SPOCK1: variants seen among roughly 807,000 people sequenced by gnomAD.
SPOCK1 encodes SPARC (osteonectin), cwcv and kazal like domains proteoglycan 1, also known as testican-1.
In SPOCK1, 23 loss-of-function variants were observed where a neutral mutation model predicts 55.3. The ratio of observed to expected loss-of-function variants is 0.42; its 90% CI spans 0.30 to 0.59. The LOEUF (loss-of-function observed/expected upper bound fraction) is 0.59, where lower values mean the gene tolerates loss of function less well. Among genes scored for constraint, SPOCK1 ranks in the 20% least tolerant of loss-of-function variants. The pLI, the probability that SPOCK1 is intolerant of heterozygous loss-of-function variation, is 0.22. For synonymous variants in SPOCK1, 226 were observed against 221.0 expected (o/e 1.02, Z -0.20); for missense variants, 499 against 552.5 (o/e 0.90, Z 0.97).
At chr5:137,270,484 T>C (rs1756940415) in intron 2 of SPOCK1, among the ~76,000 whole-genome samples, 1 of 152,212 alleles carries the variant, frequency 6.6e-6, no homozygotes, top group Non-Finnish European at 1.5e-5. Context: ...TCAGGCATCT[T>C]CTGGACAGGA....
At position 137,414,167 on chromosome 5, in the gene SPOCK1, C is replaced by A. The variant is rs150821400; in HGVS notation, c.186+84206G>T. ...AAAAATATAATTCTTAGGGATCAGA[C>A]AGATTCTGCTTACTTCCTATTCCTC... is the stretch of plus-strand genomic sequence containing the variant. On this transcript the variant is annotated intron_variant, in intron 2 of 10. Transcript: ENST00000394945. Among the ~76,000 whole-genome samples the A allele has an allele frequency of 1.8e-4, 27 of 152,348 alleles. No individual in the cohort carries two copies. In the East Asian group the frequency reaches 5.0e-3, roughly 28 times the overall value.
At chr5:137,138,978 T>G (rs1754043726) in intron 4 of SPOCK1, among the ~76,000 whole-genome samples, 1 of 152,148 alleles carries the variant, frequency 6.6e-6, no homozygotes, top group Non-Finnish European at 1.5e-5. Flanking sequence ...TACTAATGCC[T>G]CACTAGCTTC....
intron 2 of SPOCK1, among the ~76,000 whole-genome samples, chr5:137,286,390 G>A (rs1420301286): frequency 2.0e-5 from 3 of 152,078 alleles, no homozygotes; most frequent in Non-Finnish European, 4.4e-5. Context: ...GAGTCCACAG[G>A]GCTGCCATGG....
At chr5:137,087,446 C>T (rs1752979170) in intron 5 of SPOCK1, among the ~76,000 whole-genome samples, 1 of 152,256 alleles carries the variant, frequency 6.6e-6, no homozygotes, top group Admixed American at 6.5e-5. Context: ...CACTGGGCAG[C>T]ACTCAATATA....
intron 3 of SPOCK1, among the ~76,000 whole-genome samples, chr5:137,261,196 A>G (rs1293062669): frequency 6.6e-6 from 1 of 152,246 alleles, no homozygotes; most frequent in African/African-American, 2.4e-5. Flanking sequence ...CACATTATGA[A>G]GAAAGCTATG....
At chr5:137,228,291 C>T (rs113220773) in intron 3 of SPOCK1, among the ~76,000 whole-genome samples, 1,772 of 152,332 alleles carry the variant, frequency 0.012, 15 homozygotes, top group Non-Finnish European at 0.015. Flanking sequence ...AGACTGAACA[C>T]AGAAGTGAAT....
chr5:137,294,661 C>T (rs1449657430), intron 2 of SPOCK1, among the ~76,000 whole-genome samples: 1 of 152,194 alleles, frequency 6.6e-6, no homozygotes, highest in African/African-American at 2.4e-5. Context: ...AAGACAGCAT[C>T]CCACAGAGAA....
chr5:137,368,280 C>A (rs543900389), intron 2 of SPOCK1, among the ~76,000 whole-genome samples: 3 of 152,168 alleles, frequency 2.0e-5, no homozygotes, highest in Non-Finnish European at 4.4e-5. Flanking sequence ...AGCAGAATAA[C>A]CCAAGTGGAC....
chr5:137,478,920 T>A (rs1404634281), intron 2 of SPOCK1, among the ~76,000 whole-genome samples: 1 of 151,894 alleles, frequency 6.6e-6, no homozygotes, highest in Admixed American at 6.6e-5. Context: ...GAGAGCTTCA[T>A]AAAAGGGGTA....
At position 136,978,090 on chromosome 5, in the gene SPOCK1, G is replaced by C. The variant is rs982682647; in HGVS notation, c.*564C>G. The C allele has an allele frequency of 9.1e-5, 36 of 397,036 alleles. 1 individual carries two copies. Among genetic ancestry groups the C allele is most frequent in the Non-Finnish European group, 1.3e-4 (30 of 225,438 alleles). The allele number at this position is 397,036 out of a possible 1,614,324, so 24.6% of individuals were successfully genotyped here. ...AGGGAGTCTTGACTGAATTAAGGCTGTTGTTTATAGGAAGCCAGATATAAT... is the reference window on the plus strand; with the variant it reads ...AGGGAGTCTTGACTGAATTAAGGCTCTTGTTTATAGGAAGCCAGATATAAT... On this transcript the variant is annotated 3_prime_UTR_variant, in exon 11 of 11. Coordinates refer to ENST00000394945, the MANE Select transcript of SPOCK1 (RefSeq NM_004598.4).
chr5:137,319,945 C>A (rs1365483687), intron 2 of SPOCK1, among the ~76,000 whole-genome samples: 2 of 102,172 alleles, frequency 2.0e-5, no homozygotes, highest in Non-Finnish European at 4.1e-5. Context: ...GAGCGAGACT[C>A]CGTCTCAAAA....
chr5:137,149,151 G>A (rs1754264496), intron 3 of SPOCK1, among the ~76,000 whole-genome samples: 1 of 152,190 alleles, frequency 6.6e-6, no homozygotes, highest in Non-Finnish European at 1.5e-5. Context: ...AAACAATAGT[G>A]ACCAGGTGAA....
intron 2 of SPOCK1, among the ~76,000 whole-genome samples, chr5:137,413,761 C>A (rs1179053745): frequency 6.6e-6 from 1 of 152,172 alleles, no homozygotes; most frequent in Non-Finnish European, 1.5e-5. Context: ...ACTTCAGTCC[C>A]AAATACCTGA....
intron 2 of SPOCK1, among the ~76,000 whole-genome samples, chr5:137,322,347 A>AC (rs1445941164): frequency 9.1e-4 from 81 of 88,552 alleles, no homozygotes; most frequent in Admixed American, 2.0e-3. Context: ...AAAAAAAAAA[A>AC]AACACACACA....
intron 3 of SPOCK1, among the ~76,000 whole-genome samples, chr5:137,161,007 G>GAT (rs34405933): frequency 0.027 from 3,792 of 142,030 alleles, 78 homozygotes; most frequent in East Asian, 0.069. Context: ...GAAACTGTGA[G>GAT]ATATATATAT....
At chr5:137,311,384 C>T (rs1757786346) in intron 2 of SPOCK1, among the ~76,000 whole-genome samples, 1 of 152,194 alleles carries the variant, frequency 6.6e-6, no homozygotes, top group African/African-American at 2.4e-5. Flanking sequence ...TCAATCTGGA[C>T]CGCATATTAA....
intron 5 of SPOCK1, among the ~76,000 whole-genome samples, chr5:137,084,917 A>G (rs1038666352): frequency 7.1e-6 from 1 of 141,638 alleles, no homozygotes; most frequent in African/African-American, 2.5e-5. Context: ...TTGCTTTGGG[A>G]TCCATCCTCA....
Position 137,451,750 on chromosome 5 carries a change from A to G in SPOCK1, c.186+46623T>C, listed in dbSNP as rs567139098. Among the ~76,000 whole-genome samples, 3 of 152,312 alleles carry G rather than the reference A, an allele frequency of 2.0e-5. No homozygotes were observed. The East Asian group carries it at 5.8e-4, about 29-fold the overall frequency. On this transcript the variant is annotated intron_variant, in intron 2 of 10. Transcript: ENST00000394945. ...ATCTTAATCCTATTGCAGCACACTA[A>G]TTCTGGCTTGTATAAGATGCTGCCA...
intron 3 of SPOCK1, among the ~76,000 whole-genome samples, chr5:137,253,653 G>A (rs1756581072): frequency 6.6e-6 from 1 of 152,170 alleles, no homozygotes; most frequent in Admixed American, 6.5e-5. Context: ...CCCAGGAGCG[G>A]TGTCTCAGTC....
Sources: allele counts gnomAD v4.1 joint callset (sites outside exome capture counted in the v4.1 genomes callset), GRCh38; gene constraint gnomAD v4.1.1; transcripts MANE v1.5; gene names NCBI Gene and HGNC (gene_info 2026-07-23, HGNC 2026-07-21).